Variants in PLCB1 observed in about 807,000 individuals in gnomAD.
The protein encoded by PLCB1 is phospholipase C beta 1.
PLCB1 carries 46 observed loss-of-function variants against 161.8 expected under a neutral mutation model. The ratio of observed to expected loss-of-function variants is 0.28; its 90% CI spans 0.22 to 0.36. The LOEUF (loss-of-function observed/expected upper bound fraction) is 0.36. Among genes scored for constraint, PLCB1 ranks in the 10% least tolerant of loss-of-function variants. The probability of loss-of-function intolerance (pLI) is 1.00; values close to 1 mark genes in which losing one functional copy is unlikely to be tolerated. For synonymous variants in PLCB1, 517 were observed against 503.7 expected, an observed-to-expected ratio of 1.03 and a Z score of -0.35; for missense variants, 1,016 against 1,472.5, an observed-to-expected ratio of 0.69 and a Z score of 5.07.
At chr20:8,722,886 G>A (rs1329984194) in intron 15 of PLCB1, among the ~76,000 whole-genome samples, 1 of 152,168 alleles carries the variant, frequency 6.6e-6, no homozygotes, top group African/African-American at 2.4e-5. Context: ...AGGTGCAGTG[G>A]TGTACACCTG....
At chr20:8,562,750 A>C (rs1352529697) in intron 3 of PLCB1, among the ~76,000 whole-genome samples, 2 of 152,078 alleles carry the variant, frequency 1.3e-5, no homozygotes, top group Non-Finnish European at 2.9e-5. Context: ...ATATGACTTC[A>C]TGTGGGGGTC....
At chr20:8,231,805 A>T (rs1344740032) in intron 2 of PLCB1, among the ~76,000 whole-genome samples, 2 of 152,154 alleles carry the variant, frequency 1.3e-5, no homozygotes, top group Non-Finnish European at 2.9e-5. Flanking sequence ...CAGTAGAGGG[A>T]TAGACAAAAT....
intron 3 of PLCB1, among the ~76,000 whole-genome samples, chr20:8,561,605 G>T (rs1986142749): frequency 6.6e-6 from 1 of 152,004 alleles, no homozygotes; most frequent in Non-Finnish European, 1.5e-5. Context: ...AACAGGGTTT[G>T]TGATGTTTTT....
At chr20:8,351,380 T>G (rs1986171546) in intron 2 of PLCB1, among the ~76,000 whole-genome samples, 1 of 152,054 alleles carries the variant, frequency 6.6e-6, no homozygotes, top group South Asian at 2.1e-4. Flanking sequence ...GCAAACCAAT[T>G]AAACTTCTAG....
At chr20:8,211,419 T>G (rs921315133) in intron 2 of PLCB1, among the ~76,000 whole-genome samples, 2 of 152,116 alleles carry the variant, frequency 1.3e-5, no homozygotes, top group African/African-American at 2.4e-5. Flanking sequence ...TCTATCTCTA[T>G]TTGCATAACA....
At chr20:8,642,556 A>G (rs369982229) in intron 4 of PLCB1, among the ~76,000 whole-genome samples, 3 of 152,216 alleles carry the variant, frequency 2.0e-5, no homozygotes, top group Admixed American at 6.5e-5. Flanking sequence ...CACCATTATC[A>G]ATGACAGCAA....
chr20:8,306,524 T>G (rs1470033361), intron 2 of PLCB1: 1 of 152,224 alleles, frequency 6.6e-6, no homozygotes, highest in African/African-American at 2.4e-5. Flanking sequence ...TCTGCAATCC[T>G]TGTTATTTTC....
At chr20:8,560,911 A>G (rs957175840) in intron 3 of PLCB1, among the ~76,000 whole-genome samples, 6 of 152,022 alleles carry the variant, frequency 3.9e-5, no homozygotes, top group Non-Finnish European at 5.9e-5. Context: ...GATTTTCTCC[A>G]TGTTCACTGA....
chr20:8,582,553 C>T (rs777118489), intron 3 of PLCB1, among the ~76,000 whole-genome samples: 1 of 152,134 alleles, frequency 6.6e-6, no homozygotes, highest in African/African-American at 2.4e-5. Context: ...TCTGTTTCCC[C>T]TGAGAGCTTC....
intron 25 of PLCB1, among the ~76,000 whole-genome samples, chr20:8,762,980 A>G (rs974694251): frequency 3.9e-5 from 6 of 152,196 alleles, no homozygotes; most frequent in African/African-American, 1.4e-4. Context: ...CCATGGAAAC[A>G]TGTGAACTAT....
chr20:8,662,825 G>T (rs1989718210), intron 9 of PLCB1, among the ~76,000 whole-genome samples: 1 of 151,818 alleles, frequency 6.6e-6, no homozygotes, highest in Non-Finnish European at 1.5e-5. Flanking sequence ...ATTTCTTCCT[G>T]TAGGGGACAG....
chr20:8,189,970 G>A (rs1240323464), intron 2 of PLCB1, among the ~76,000 whole-genome samples: 1 of 152,054 alleles, frequency 6.6e-6, no homozygotes, highest in Non-Finnish European at 1.5e-5. Context: ...AAGATTTAAG[G>A]TTATGATATG....
chr20:8,632,035 C>CTTTTTTTTT lies in PLCB1; in HGVS notation c.384+3628_384+3636dup, dbSNP rs34028351. 2.0e-3 allele frequency among the ~76,000 whole-genome samples: 93 copies of CTTTTTTTTT among 45,980 alleles called. 9 individuals are homozygous for CTTTTTTTTT. Among genetic ancestry groups the CTTTTTTTTT allele is most frequent in the East Asian group, 4.6e-3 (6 of 1,294 alleles). The allele number at this position is 45,980 out of a possible 152,430, so 30.2% of individuals were successfully genotyped here. On this transcript the variant is annotated intron_variant, in intron 4 of 31. Transcript: ENST00000338037. ...AGGAGACAAATATGGGTTTTTTTTG[C>CTTTTTTTTT]TTTTTTTTTTTTTTTTTTTTTTTTT... is the stretch of plus-strand genomic sequence containing the variant.
intron 27 of PLCB1, among the ~76,000 whole-genome samples, chr20:8,782,891 C>A (rs549998165): frequency 6.6e-6 from 1 of 152,330 alleles, no homozygotes; most frequent in South Asian, 2.1e-4. Context: ...GATTATCCTT[C>A]TTAGAAGAGA....
At chr20:8,303,304 C>T (rs906720463) in intron 2 of PLCB1, among the ~76,000 whole-genome samples, 1 of 152,110 alleles carries the variant, frequency 6.6e-6, no homozygotes, top group Non-Finnish European at 1.5e-5. Context: ...GCACAATTTG[C>T]CTTTATGGCA....
intron 31 of PLCB1, among the ~76,000 whole-genome samples, chr20:8,841,539 G>A (rs1382104221): frequency 6.6e-6 from 1 of 152,160 alleles, no homozygotes; most frequent in Non-Finnish European, 1.5e-5. Context: ...TTAATTCTTT[G>A]TTCTGTTGAA....
chr20:8,200,235 A>G (rs1192005721), intron 2 of PLCB1, among the ~76,000 whole-genome samples: 2 of 151,912 alleles, frequency 1.3e-5, no homozygotes, highest in African/African-American at 4.8e-5. Context: ...CTTCCTGGGT[A>G]TTGTTTTTGC....
Position 8,650,283 on chromosome 20 carries a change from G to A in PLCB1, c.594+834G>A, listed in dbSNP as rs374217072. Among the ~76,000 whole-genome samples, 44 of 151,916 alleles carry A rather than the reference G, an allele frequency of 2.9e-4. No homozygotes were observed. In the East Asian group the frequency reaches 3.7e-3, roughly 13 times the overall value. ...AAGGACCAGCTAAAACAGGGGGAGC[G>A]GAAGCAGCTTTCCATAAGATATGTC... is the stretch of plus-strand genomic sequence containing the variant. On this transcript the variant is annotated intron_variant, in intron 7 of 31. Coordinates refer to ENST00000338037, the MANE Select transcript of PLCB1 (RefSeq NM_015192.4).
At chr20:8,214,892 T>C (rs951020060) in intron 2 of PLCB1, among the ~76,000 whole-genome samples, 22 of 151,076 alleles carry the variant, frequency 1.5e-4, no homozygotes, top group African/African-American at 4.9e-4. Flanking sequence ...GTTTGCACTT[T>C]CTTGCTTGAG....
Sources: allele counts gnomAD v4.1 joint callset (sites outside exome capture counted in the v4.1 genomes callset), GRCh38; gene constraint gnomAD v4.1.1; transcripts MANE v1.5; gene names NCBI Gene and HGNC (gene_info 2026-07-23, HGNC 2026-07-21).